The following ARHGAP26 variants were observed in gnomAD, a reference collection of about 807,000 sequenced individuals.
ARHGAP26 encodes the protein Rho GTPase activating protein 26, also known as rho GTPase-activating protein 26.
A neutral mutation model predicts 104.8 loss-of-function variants in ARHGAP26; 38 were observed. That is an observed-to-expected ratio of 0.36 (90% CI 0.28 to 0.48). The LOEUF is 0.48. ARHGAP26 is among the 20% of genes least tolerant of loss of function. The probability of loss-of-function intolerance (pLI) is 0.99; values close to 1 mark genes in which losing one functional copy is unlikely to be tolerated. For synonymous variants in ARHGAP26, 341 were observed against 340.0 expected, an observed-to-expected ratio of 1.00 and a Z score of -0.03; for missense variants, 704 against 947.9, an observed-to-expected ratio of 0.74 and a Z score of 3.38.
At position 143,020,604 on chromosome 5, in the gene ARHGAP26, GGTTT is replaced by G. The variant is rs1322119927; in HGVS notation, c.1144+6493_1144+6496del. On this transcript the variant is annotated intron_variant, in intron 12 of 22. Coordinates refer to ENST00000645722, the MANE Select transcript of ARHGAP26 (RefSeq NM_001135608.3). ...AAGTCCTAGTCCTTTCTTTCCTTGT[GGTTT>G]GTTTTTAATCTAGTGCTCTAGTGCT... Among the ~76,000 whole-genome samples, 14 of 145,500 alleles carry G rather than the reference GGTTT, an allele frequency of 9.6e-5. No homozygotes were observed. The East Asian group carries it at 2.4e-3, about 25-fold the overall frequency.
At chr5:142,969,773 G>A (rs547418680) in intron 11 of ARHGAP26, among the ~76,000 whole-genome samples, 1 of 152,148 alleles carries the variant, frequency 6.6e-6, no homozygotes, top group East Asian at 1.9e-4. Flanking sequence ...AGTGTATCAC[G>A]GCCCCTGAAG....
chr5:142,910,774 C>T (rs1761728098), intron 9 of ARHGAP26, among the ~76,000 whole-genome samples: 2 of 152,144 alleles, frequency 1.3e-5, no homozygotes, highest in African/African-American at 2.4e-5. Flanking sequence ...AGATGAGTCT[C>T]ACTATGTTGC....
intron 22 of ARHGAP26, among the ~76,000 whole-genome samples, chr5:143,218,128 G>A (rs1044324764): frequency 2.6e-5 from 4 of 152,156 alleles, no homozygotes; most frequent in African/African-American, 7.2e-5. Context: ...TTGTGTCTGC[G>A]TGTTATCTGT....
At chr5:143,200,528 A>G (rs1440005621) in intron 20 of ARHGAP26, among the ~76,000 whole-genome samples, 1 of 152,182 alleles carries the variant, frequency 6.6e-6, no homozygotes, top group Non-Finnish European at 1.5e-5. Context: ...AGGCTATATA[A>G]TTGCATTGGA....
chr5:142,928,523 G>A (rs1764246965), intron 10 of ARHGAP26, among the ~76,000 whole-genome samples: 2 of 152,100 alleles, frequency 1.3e-5, no homozygotes, highest in African/African-American at 4.8e-5. Flanking sequence ...AGAGGACTTG[G>A]GTGGTCAACG....
At chr5:143,127,352 T>C (rs1484253825) in intron 18 of ARHGAP26, among the ~76,000 whole-genome samples, 2 of 152,228 alleles carry the variant, frequency 1.3e-5, no homozygotes, top group Non-Finnish European at 2.9e-5. Context: ...ATGTGTTATG[T>C]ACCACAGGCT....
At chr5:142,982,538 C>T (rs1774094706) in intron 11 of ARHGAP26, among the ~76,000 whole-genome samples, 1 of 152,134 alleles carries the variant, frequency 6.6e-6, no homozygotes, top group South Asian at 2.1e-4. Context: ...CCTGGCAGTC[C>T]TGTGGAATTG....
chr5:143,199,768 A>C (rs1047216284), intron 20 of ARHGAP26, among the ~76,000 whole-genome samples: 2 of 152,132 alleles, frequency 1.3e-5, no homozygotes, highest in Non-Finnish European at 2.9e-5. Context: ...GCAAATGCCA[A>C]TTTTGCTGCT....
At chr5:143,222,284 C>CA in intron 22 of ARHGAP26, 74 bp from the exon 23 acceptor site, 1 of 908,438 alleles carries the variant, frequency 1.1e-6, no homozygotes, top group Non-Finnish European at 1.7e-6. Context: ...CACACACACA[C>CA]CCCACACACA....
At chr5:142,980,013 A>T (rs1461627792) in intron 11 of ARHGAP26, among the ~76,000 whole-genome samples, 1 of 152,254 alleles carries the variant, frequency 6.6e-6, no homozygotes, top group African/African-American at 2.4e-5. Context: ...GAACATTTCC[A>T]GCATCCCAGA....
chr5:142,858,092 TGTGAGAGA>T (rs1161011546), intron 1 of ARHGAP26, among the ~76,000 whole-genome samples: 2 of 137,506 alleles, frequency 1.5e-5, no homozygotes, highest in Non-Finnish European at 3.0e-5. Flanking sequence ...TGTGTGTGTG[TGTGAGAGA>T]GAGAGAGAGA....
chr5:142,905,847 G>A (rs541749625), intron 8 of ARHGAP26, among the ~76,000 whole-genome samples: 4 of 152,254 alleles, frequency 2.6e-5, no homozygotes, highest in Admixed American at 2.6e-4. Flanking sequence ...TAACATTGGT[G>A]CAATATTTAA....
intron 13 of ARHGAP26, among the ~76,000 whole-genome samples, chr5:143,040,094 A>C (rs561654838): frequency 3.6e-4 from 55 of 152,250 alleles, no homozygotes; most frequent in African/African-American, 1.2e-3. Flanking sequence ...GGATTGTGTA[A>C]AGTCCCGGGA....
rs556079609 is a variant in ARHGAP26, at chr5:142,940,010, A to T, written c.1107+7885A>T. On this transcript the variant is annotated intron_variant, in intron 11 of 22. Transcript: ENST00000645722. ...CAGTTCACCAGAGTGCAGGGCAGGG[A>T]CTGCTTTCAATAGTATGGAAAATGT... 4.8e-4 allele frequency among the ~76,000 whole-genome samples: 73 copies of T among 152,326 alleles called. 2 individuals are homozygous for T. The highest frequency in any genetic ancestry group is 2.0e-3 in the Admixed American group (30 of 15,304).
chr5:143,136,185 T>G (rs1233795058), intron 19 of ARHGAP26, among the ~76,000 whole-genome samples: 1 of 152,176 alleles, frequency 6.6e-6, no homozygotes, highest in East Asian at 1.9e-4. Flanking sequence ...TGGGAGCTCA[T>G]AAGAATGAAG....
chr5:142,786,638 T>A (rs1193949829), intron 1 of ARHGAP26, among the ~76,000 whole-genome samples: 2 of 150,804 alleles, frequency 1.3e-5, no homozygotes, highest in Non-Finnish European at 2.9e-5. Context: ...GTGAAACAGA[T>A]TTCTGGAGTT....
At chr5:142,800,342 T>C (rs1761832485) in intron 1 of ARHGAP26, among the ~76,000 whole-genome samples, 1 of 151,794 alleles carries the variant, frequency 6.6e-6, no homozygotes, top group Non-Finnish European at 1.5e-5. Context: ...CAAACTGCCA[T>C]CAGAAGGCTG....
intron 20 of ARHGAP26, among the ~76,000 whole-genome samples, chr5:143,206,245 T>C (rs1808527657): frequency 6.6e-6 from 1 of 152,196 alleles, no homozygotes; most frequent in Non-Finnish European, 1.5e-5. Context: ...GATTCAGGAG[T>C]GGCAAGTGGT....
At chr5:143,073,707 T>G (rs1788592902) in intron 17 of ARHGAP26, among the ~76,000 whole-genome samples, 1 of 152,236 alleles carries the variant, frequency 6.6e-6, no homozygotes, top group Non-Finnish European at 1.5e-5. Flanking sequence ...CACACTGCAG[T>G]CAAGGAAAAC....
Sources: allele counts gnomAD v4.1 joint callset (sites outside exome capture counted in the v4.1 genomes callset), GRCh38; gene constraint gnomAD v4.1.1; transcripts MANE v1.5; gene names NCBI Gene and HGNC (gene_info 2026-07-23, HGNC 2026-07-21).